FRS2: variants seen among roughly 807,000 people sequenced by gnomAD.
FRS2 encodes FGFR signalling adaptor.
A neutral mutation model predicts 43.9 loss-of-function variants in FRS2; 8 were observed. The observed-to-expected ratio is 0.18, with a 90% CI of 0.11 to 0.33. The LOEUF (loss-of-function observed/expected upper bound fraction) is 0.33, where lower values mean the gene tolerates loss of function less well. FRS2 is among the 10% of genes least tolerant of loss of function. FRS2 has a pLI of 1.00. For synonymous variants in FRS2, 219 were observed against 220.3 expected, an observed-to-expected ratio of 0.99 and a Z score of 0.05; for missense variants, 534 against 627.6, an observed-to-expected ratio of 0.85 and a Z score of 1.59.
At chr12:69,503,946 G>T (rs1285471698) in intron 1 of FRS2, among the ~76,000 whole-genome samples, 1 of 152,114 alleles carries the variant, frequency 6.6e-6, no homozygotes, top group Non-Finnish European at 1.5e-5. Flanking sequence ...GCTCATGCTT[G>T]TAATCCCAGC....
At chr12:69,520,376 G>GT (rs112572825) in intron 1 of FRS2, among the ~76,000 whole-genome samples, 2,233 of 109,994 alleles carry the variant, frequency 0.02, 41 homozygotes, top group East Asian at 0.04. Context: ...TCTATTATTA[G>GT]TTTTTTTTTT....
At chr12:69,491,628 G>T (rs992811362) in intron 1 of FRS2, 1 of 146,660 alleles carries the variant, frequency 6.8e-6, no homozygotes, top group Non-Finnish European at 1.5e-5. Flanking sequence ...AGCCTCCCAA[G>T]TAGGTAGGAC....
intron 3 of FRS2, among the ~76,000 whole-genome samples, chr12:69,558,574 C>T (rs536713784): frequency 6.6e-6 from 1 of 152,272 alleles, no homozygotes; most frequent in South Asian, 2.1e-4. Flanking sequence ...ATGCTTTCTT[C>T]TTAATCTGGA....
intron 3 of FRS2, among the ~76,000 whole-genome samples, chr12:69,561,263 CA>C (rs1370131984): frequency 1.3e-5 from 2 of 152,128 alleles, no homozygotes; most frequent in Non-Finnish European, 2.9e-5. Context: ...GAGTGTAAGC[CA>C]ACACCTGGCA....
At chr12:69,520,598 G>T (rs527510226) in intron 1 of FRS2, among the ~76,000 whole-genome samples, 2 of 152,042 alleles carry the variant, frequency 1.3e-5, no homozygotes, top group Non-Finnish European at 2.9e-5. Flanking sequence ...TTTGTAGATG[G>T]TGTTGGAAAG....
At chr12:69,569,241 A>G (rs1880550593) in intron 5 of FRS2, 145 bp downstream of exon 5, 3 of 554,236 alleles carry the variant, frequency 5.4e-6, no homozygotes, top group Non-Finnish European at 9.6e-6. Flanking sequence ...GATTTAATAA[A>G]TGATGACAAC....
At chr12:69,523,330 T>G (rs371750039) in intron 1 of FRS2, among the ~76,000 whole-genome samples, 1 of 152,148 alleles carries the variant, frequency 6.6e-6, no homozygotes, top group Non-Finnish European at 1.5e-5. Flanking sequence ...TTTACCGTTA[T>G]GTAATGCCCT....
intron 3 of FRS2, among the ~76,000 whole-genome samples, 168 bp downstream of exon 3, chr12:69,532,224 GAC>G (rs1876870703): frequency 2.6e-5 from 4 of 152,150 alleles, no homozygotes; most frequent in Non-Finnish European, 5.9e-5. Context: ...TTGCTAGCAA[GAC>G]ACAGATCATC....
intron 3 of FRS2, among the ~76,000 whole-genome samples, chr12:69,544,360 A>T (rs1185302824): frequency 2.0e-5 from 3 of 152,154 alleles, no homozygotes; most frequent in African/African-American, 7.2e-5. Flanking sequence ...ATGCAGAAAA[A>T]ACATTTGACA....
At chr12:69,570,268 C>A in intron 5 of FRS2, 63 bp from the exon 6 acceptor site, 1 of 1,189,350 alleles carries the variant, frequency 8.4e-7, no homozygotes, top group African/African-American at 1.5e-5. Context: ...AACTAATTAG[C>A]AACAATGCAT....
At chr12:69,514,113 T>G (rs1395960702) in intron 1 of FRS2, among the ~76,000 whole-genome samples, 1 of 152,038 alleles carries the variant, frequency 6.6e-6, no homozygotes, top group Admixed American at 6.6e-5. Context: ...ATGATGTCAA[T>G]CAGAATTTTT....
chr12:69,571,183 T>A, intron 6 of FRS2, 93 bp from the exon 7 acceptor site: 3 of 727,020 alleles, frequency 4.1e-6, no homozygotes, highest in Non-Finnish European at 6.8e-6. Context: ...GTGCGTAGAA[T>A]GCTTACTTTA....
intron 1 of FRS2, among the ~76,000 whole-genome samples, chr12:69,496,881 T>C (rs1214602120): frequency 1.3e-5 from 2 of 152,244 alleles, no homozygotes; most frequent in Non-Finnish European, 2.9e-5. Flanking sequence ...AACAATTCTA[T>C]GTGCTAGATG....
Position 69,578,245 on chromosome 12 carries a change from CA to C in FRS2, c.*3291del, listed in dbSNP as rs1298250449. The C allele has an allele frequency of 1.3e-5, 2 of 152,564 alleles. No homozygotes were observed. The highest frequency in any genetic ancestry group is 4.8e-5 in the African/African-American group (2 of 41,428). The allele number at this position is 152,564 out of a possible 1,614,324, so 9.5% of individuals were successfully genotyped here. ...TATATTCTTGAAATAGACATACCAT[CA>C]GAGACATCATTCACAAGTAACTGAT... On this transcript the variant is annotated 3_prime_UTR_variant, in exon 9 of 9. Transcript: ENST00000549921.
chr12:69,571,977 G>C, intron 7 of FRS2, 141 bp from the exon 8 acceptor site: 1 of 561,360 alleles, frequency 1.8e-6, no homozygotes, highest in Non-Finnish European at 3.1e-6. Flanking sequence ...TATGGAGTTG[G>C]GGGTAATACT....
At chr12:69,571,836 C>G (rs1446195894) in intron 7 of FRS2, among the ~76,000 whole-genome samples, 13 of 152,124 alleles carry the variant, frequency 8.5e-5, no homozygotes, top group Admixed American at 8.5e-4. Flanking sequence ...TGCATTCCAG[C>G]CTGGGCGACA....
At chr12:69,543,268 A>ATT (rs1257517836) in intron 3 of FRS2, among the ~76,000 whole-genome samples, 4 of 152,382 alleles carry the variant, frequency 2.6e-5, no homozygotes, top group African/African-American at 9.6e-5. Flanking sequence ...ATGTAAAAGC[A>ATT]TTTGGTTGTA....
chr12:69,498,519 T>TTGTGTGTGTGTGTGTGTG (rs71094717), intron 1 of FRS2, among the ~76,000 whole-genome samples: 7,023 of 141,390 alleles, frequency 0.05, 216 homozygotes, highest in Middle Eastern at 0.066. Context: ...TTATGAGGGT[T>TTGTGTGTGTGTGTGTGTG]TGTGTGTGTG....
intron 1 of FRS2, among the ~76,000 whole-genome samples, chr12:69,502,988 A>G (rs867397670): frequency 6.6e-6 from 1 of 152,200 alleles, no homozygotes; most frequent in Non-Finnish European, 1.5e-5. Context: ...CCACAGTTCT[A>G]TACATCAAAA....
Sources: gnomAD v4.1 joint callset for allele counts (sites outside exome capture counted in the v4.1 genomes callset) on GRCh38, gnomAD v4.1.1 for gene constraint, MANE v1.5 for transcripts, NCBI Gene and HGNC (gene_info 2026-07-23, HGNC 2026-07-21) for gene names.